Variants in SLC45A4 observed in about 807,000 individuals in gnomAD.
SLC45A4 encodes polyamine-transporter SLC45A4.
Under a neutral mutation model 63.7 loss-of-function variants are expected in SLC45A4, and 32 were observed. The ratio of observed to expected loss-of-function variants is 0.50; its 90% CI spans 0.38 to 0.67. The LOEUF (loss-of-function observed/expected upper bound fraction) is 0.67. Ranked by LOEUF, SLC45A4 falls within the 30% of genes least tolerant of loss-of-function variation. The pLI is 0.00. For missense variants in SLC45A4, 1,027 were observed against 1,157.7 expected (o/e 0.89, Z 1.64); for synonymous variants, 535 against 510.0 (o/e 1.05, Z -0.66).
At chr8:141,299,493 T>C (rs755565164) in intron 1 of SLC45A4, among the ~76,000 whole-genome samples, 1 of 152,118 alleles carries the variant, frequency 6.6e-6, no homozygotes, top group Non-Finnish European at 1.5e-5. Context: ...CGCCACCAAA[T>C]CAGAGCTGCC....
intron 1 of SLC45A4, among the ~76,000 whole-genome samples, chr8:141,258,100 A>C (rs1284985897): frequency 6.8e-6 from 1 of 146,302 alleles, no homozygotes; most frequent in South Asian, 2.1e-4. Flanking sequence ...CTTTAAAAAC[A>C]CAACACCTAT....
chr8:141,299,841 C>T (rs1830685618), intron 1 of SLC45A4, among the ~76,000 whole-genome samples: 1 of 152,134 alleles, frequency 6.6e-6, no homozygotes, highest in Non-Finnish European at 1.5e-5. Flanking sequence ...AGTATTAATA[C>T]CCAAAATACC....
At position 141,218,434 on chromosome 8, in the gene SLC45A4, G is replaced by T. The variant is rs1380727709; in HGVS notation, c.1206C>A (p.Asp402Glu). 6.2e-7 allele frequency: 1 copy of T among 1,612,238 alleles called. No homozygotes were observed. The highest frequency in any genetic ancestry group is 2.2e-5 in the East Asian group (1 of 44,874). The change falls in exon 5 of 9, where the codon GAC becomes GAA. Residue 402 changes from aspartate (D) to glutamate (E), a missense_variant. Physicochemically the swap from Asp to Glu is conservative, Grantham distance 45. Coordinates refer to ENST00000517878, the MANE Select transcript of SLC45A4 (RefSeq NM_001286646.2). ...KDALGGYTRV[D>E]TKPSATSSSM... ...AGCTCGACGTGGCCGAGGGCTTCGT[G>T]TCCACCCTGGTGTAGCCGCCGAGGG... is the stretch of plus-strand genomic sequence containing the variant.
At chr8:141,238,826 G>T (rs1476689640) in intron 2 of SLC45A4, among the ~76,000 whole-genome samples, 2 of 152,214 alleles carry the variant, frequency 1.3e-5, no homozygotes, top group Non-Finnish European at 2.9e-5. Context: ...GGGCCGGCGC[G>T]GGGCAGAGCA....
chr8:141,273,396 G>A (rs183666408), intron 1 of SLC45A4, among the ~76,000 whole-genome samples: 3 of 152,296 alleles, frequency 2.0e-5, no homozygotes, highest in East Asian at 1.9e-4. Flanking sequence ...TGGGAATTCA[G>A]GAAAATCAAG....
rs1182791867 is a variant in SLC45A4, at chr8:141,208,981, A to C, written c.*2591T>G. On this transcript the variant is annotated 3_prime_UTR_variant, in exon 9 of 9. Coordinates refer to ENST00000517878, the MANE Select transcript of SLC45A4 (RefSeq NM_001286646.2). Reference sequence around the variant, plus strand: ...ACACACCCTGCCTGACACTCCACTCAGTGTGCAGAGGCACCCAGGCCACCA... The same window carrying C: ...ACACACCCTGCCTGACACTCCACTCCGTGTGCAGAGGCACCCAGGCCACCA... The C allele has an allele frequency of 1.3e-5, 2 of 152,610 alleles. No individual in the cohort carries two copies. The highest frequency in any genetic ancestry group is 2.9e-5 in the Non-Finnish European group (2 of 68,394). The allele number at this position is 152,610 out of a possible 1,614,324, so 9.5% of individuals were successfully genotyped here.
chr8:141,246,410 C>T (rs1161654217), intron 2 of SLC45A4, among the ~76,000 whole-genome samples: 1 of 152,244 alleles, frequency 6.6e-6, no homozygotes, highest in East Asian at 1.9e-4. Context: ...AGAGCCTCGG[C>T]CCTGGGGGTG....
rs190311225 is a variant in SLC45A4, at chr8:141,271,704, C to T, written c.-400-17075G>A. Among the ~76,000 whole-genome samples, 581 of 152,342 alleles carry T rather than the reference C, an allele frequency of 3.8e-3. 8 individuals are homozygous for T. Among genetic ancestry groups the T allele is most frequent in the African/African-American group, 0.013 (550 of 41,580 alleles). ...GGAGAGCCACTCTCACAGATATGAT[C>T]ATATGTCAGGGGAAGTCCGCAGTTC... is the stretch of plus-strand genomic sequence containing the variant. On this transcript the variant is annotated intron_variant, in intron 1 of 8. Coordinates refer to ENST00000517878, the MANE Select transcript of SLC45A4 (RefSeq NM_001286646.2).
chr8:141,285,230 C>T (rs953271155), intron 1 of SLC45A4, among the ~76,000 whole-genome samples: 8 of 152,164 alleles, frequency 5.3e-5, no homozygotes, highest in African/African-American at 1.2e-4. Context: ...AGAGAGCGTC[C>T]GCTGGGAACC....
At chr8:141,228,264 C>T (rs763288421) in intron 2 of SLC45A4, 2 of 1,613,754 alleles carry the variant, frequency 1.2e-6, no homozygotes, top group South Asian at 2.2e-5. Context: ...TTGCTTTCCC[C>T]ATAGATGATG....
Position 141,227,261 on chromosome 8 carries a change from G to GGTGT in SLC45A4, c.242-5497_242-5496insACAC, listed in dbSNP as rs1253190886. On this transcript the variant is annotated intron_variant, in intron 2 of 8. Transcript: ENST00000517878. The surrounding 1 kb of genome is among the most constrained non-coding windows in gnomAD (Gnocchi z 4.4). ...GGGCGACGCTCGGGTCACGTGTGGC[G>GGTGT]GCTCCTGTTCACAGTGCCGTGTGTG... 6.6e-6 allele frequency among the ~76,000 whole-genome samples: 1 copy of GGTGT among 152,176 alleles called. No homozygotes were observed. Among genetic ancestry groups the GGTGT allele is most frequent in the East Asian group, 1.9e-4 (1 of 5,198 alleles).
chr8:141,292,149 A>G (rs1232100309), intron 1 of SLC45A4, among the ~76,000 whole-genome samples: 1 of 152,192 alleles, frequency 6.6e-6, no homozygotes, highest in Non-Finnish European at 1.5e-5. Flanking sequence ...GAAGCTGCAC[A>G]CGGCAGACAA....
intron 1 of SLC45A4, among the ~76,000 whole-genome samples, chr8:141,261,675 A>G (rs1245039920): frequency 6.6e-6 from 1 of 152,134 alleles, no homozygotes; most frequent in Non-Finnish European, 1.5e-5. Context: ...AGGGATGTGA[A>G]GGACCTCTTC....
At chr8:141,275,498 T>A (rs1829695372) in intron 1 of SLC45A4, among the ~76,000 whole-genome samples, 1 of 152,006 alleles carries the variant, frequency 6.6e-6, no homozygotes, top group South Asian at 2.1e-4. Context: ...TTCGGTAGGC[T>A]GAAGCAGGAG....
At position 141,211,565 on chromosome 8, in the gene SLC45A4, C is replaced by T. The variant is rs767255698; in HGVS notation, c.*7G>A. On this transcript the variant is annotated 3_prime_UTR_variant, in exon 9 of 9. Coordinates refer to ENST00000517878, the MANE Select transcript of SLC45A4 (RefSeq NM_001286646.2). ...ACTCGCTGAGGAAAAGAAGATACGT[C>T]ATTCTTCTAAGAGAACCACATTGTG... 7.4e-6 allele frequency: 12 copies of T among 1,613,230 alleles called. 1 individual carries two copies. In the East Asian group the frequency reaches 8.9e-5, roughly 12 times the overall value.
intron 2 of SLC45A4, among the ~76,000 whole-genome samples, chr8:141,240,103 A>G (rs73713392): frequency 0.02 from 3,114 of 152,314 alleles, 101 homozygotes; most frequent in African/African-American, 0.069. Flanking sequence ...AAACAAATGG[A>G]CAGATATAAA....
In SLC45A4 at chr8:141,218,587, G is replaced by T; in HGVS notation, c.1053C>A (p.Leu351=). The part of the protein sequence containing the change: ...PATPRSTSQE[L]AKTKLPRLAT... ...CCAGGCGGGGCAGCTTGGTCTTGGC[G>T]AGCTCCTGGCTGGTGCTGCGGGGGG... The change falls in exon 5 of 9, where the codon CTC becomes CTA. Residue 351 remains leucine, a synonymous_variant. Transcript: ENST00000517878. 1.2e-6 allele frequency: 2 copies of T among 1,613,414 alleles called. No homozygotes were observed. The highest frequency in any genetic ancestry group is 1.7e-6 in the Non-Finnish European group (2 of 1,179,918).
intron 1 of SLC45A4, among the ~76,000 whole-genome samples, chr8:141,287,312 G>A (rs1324393977): frequency 4.6e-5 from 7 of 152,188 alleles, no homozygotes; most frequent in African/African-American, 1.2e-4. Flanking sequence ...CTCTCCCGGC[G>A]GATACTAACT....
chr8:141,213,696 C>T (rs75010825), intron 7 of SLC45A4, among the ~76,000 whole-genome samples: 1,563 of 152,324 alleles, frequency 0.01, 29 homozygotes, highest in African/African-American at 0.036. Context: ...CGGCAGTGAA[C>T]GCGCAAGCAC....
Sources: gnomAD v4.1 joint callset for allele counts (sites outside exome capture counted in the v4.1 genomes callset) on GRCh38, gnomAD v4.1.1 for gene constraint, Gnocchi (gnomAD v3.1) non-coding constraint, MANE v1.5 for transcripts, NCBI Gene and HGNC (gene_info 2026-07-23, HGNC 2026-07-21) for gene names.